The following GTF2A1L variants were observed in gnomAD, a reference collection of about 807,000 sequenced individuals.
The protein encoded by GTF2A1L is TFIIA-alpha and beta-like factor.
Under a neutral mutation model 49.7 loss-of-function variants are expected in GTF2A1L, and 48 were observed. That is an observed-to-expected ratio of 0.97 (90% CI 0.77 to 1.23). GTF2A1L has a LOEUF of 1.23. Ranked by LOEUF, GTF2A1L falls within the 50% of genes most tolerant of loss-of-function variation. GTF2A1L has a pLI of 0.00. For missense variants in GTF2A1L, 736 were observed against 564.8 expected, an observed-to-expected ratio of 1.30 and a Z score of -3.07; for synonymous variants, 246 against 193.5, an observed-to-expected ratio of 1.27 and a Z score of -2.25.
chr2:48,632,157 A>G lies in GTF2A1L; in HGVS notation c.248-10245A>G, dbSNP rs148859380. On this transcript the variant is annotated intron_variant, in intron 3 of 8. Transcript: ENST00000403751. ...TGAGCGTGGTCTCTTCCTTTACTCA[A>G]CTGAGAATTAAAACTTGATTCTTTT... is the stretch of plus-strand genomic sequence containing the variant. The G allele has an allele frequency of 3.9e-5, 6 of 152,264 alleles. No individual in the cohort carries two copies. In the East Asian group the frequency reaches 5.8e-4, roughly 15 times the overall value. 9.4% of individuals were successfully genotyped at this position (152,264 alleles called of 1,614,324 possible). A position where few individuals can be genotyped will look rare whatever the true frequency, so the allele number is the denominator to read the frequency against.
intron 6 of GTF2A1L, among the ~76,000 whole-genome samples, chr2:48,667,944 C>T (rs1162083088): frequency 6.6e-6 from 1 of 152,084 alleles, no homozygotes; most frequent in East Asian, 1.9e-4. Flanking sequence ...CTGTTCAAAC[C>T]TTAGTAAAAC....
At chr2:48,659,929 A>G (rs1040289768) in intron 6 of GTF2A1L, among the ~76,000 whole-genome samples, 2 of 152,184 alleles carry the variant, frequency 1.3e-5, no homozygotes, top group Admixed American at 1.3e-4. Flanking sequence ...ATCTGTAAAC[A>G]GAGATAATTT....
intron 6 of GTF2A1L, among the ~76,000 whole-genome samples, chr2:48,659,506 A>G (rs1678371869): frequency 6.6e-6 from 1 of 152,064 alleles, no homozygotes; most frequent in Non-Finnish European, 1.5e-5. Flanking sequence ...TTTTTCTGCA[A>G]ACACTCTTGT....
chr2:48,622,771 TTG>T (rs540029430), intron 3 of GTF2A1L, among the ~76,000 whole-genome samples: 223 of 151,646 alleles, frequency 1.5e-3, no homozygotes, highest in Non-Finnish European at 2.7e-3. Context: ...GAGGCAGAGG[TTG>T]TAGTGAGCTG....
intron 7 of GTF2A1L, 132 bp downstream of exon 7, chr2:48,670,114 C>G (rs573296533): frequency 1.1e-5 from 14 of 1,324,148 alleles, no homozygotes; most frequent in Non-Finnish European, 1.4e-5. Context: ...TATTTGGGGC[C>G]GGGCACGGTG....
intron 6 of GTF2A1L, chr2:48,668,674 A>G (rs923816424): frequency 6.6e-6 from 1 of 152,084 alleles, no homozygotes; most frequent in Non-Finnish European, 1.5e-5. Flanking sequence ...TACTAAAAAT[A>G]CAAAAATAAA....
intron 4 of GTF2A1L, among the ~76,000 whole-genome samples, chr2:48,644,022 T>C (rs1414950120): frequency 6.6e-6 from 1 of 151,924 alleles, no homozygotes; most frequent in South Asian, 2.1e-4. Flanking sequence ...TTTAAAAAAA[T>C]TAGCCAAGCA....
intron 6 of GTF2A1L, among the ~76,000 whole-genome samples, chr2:48,653,107 G>C (rs1481539599): frequency 2.0e-5 from 3 of 151,148 alleles, no homozygotes; most frequent in African/African-American, 7.3e-5. Context: ...TGTAGTCCCA[G>C]CTACTCGGGA....
At chr2:48,649,908 C>T (rs754193673) in intron 6 of GTF2A1L, among the ~76,000 whole-genome samples, 2 of 152,200 alleles carry the variant, frequency 1.3e-5, no homozygotes, top group Non-Finnish European at 2.9e-5. Flanking sequence ...TGGTTTTCAA[C>T]CTTGTTATTT....
chr2:48,641,205 G>T (rs1370038033), intron 3 of GTF2A1L, among the ~76,000 whole-genome samples: 1 of 152,122 alleles, frequency 6.6e-6, no homozygotes, highest in Non-Finnish European at 1.5e-5. Flanking sequence ...TTCAGCTAAT[G>T]AAGACTAATA....
chr2:48,662,515 G>A (rs1678569612), intron 6 of GTF2A1L, among the ~76,000 whole-genome samples: 1 of 152,036 alleles, frequency 6.6e-6, no homozygotes, highest in Non-Finnish European at 1.5e-5. Flanking sequence ...AGGATGGTAA[G>A]GCAGAGTTTA....
At chr2:48,623,872 G>C (rs75369096) in intron 3 of GTF2A1L, among the ~76,000 whole-genome samples, 2 of 152,184 alleles carry the variant, frequency 1.3e-5, no homozygotes, top group East Asian at 3.8e-4. Context: ...GGTACATACA[G>C]ACAGAAAGGT....
In GTF2A1L at chr2:48,617,904, G is replaced by C. The variant is rs369610793; in HGVS notation, c.21+9G>C. On this transcript the variant is annotated intron_variant, in intron 1 of 8. Coordinates refer to ENST00000403751, the MANE Select transcript of GTF2A1L (RefSeq NM_006872.5). ...CCTGCCTCAACCCGGTGGTAAGGAA[G>C]ACCTCAGGCTCTGTGTAGAGGGAGC... The C allele has an allele frequency of 5.8e-6, 9 of 1,551,690 alleles. No homozygotes were observed. The African/African-American group carries it at 1.2e-4, about 21-fold the overall frequency.
Position 48,652,902 on chromosome 2 carries a change from G to A in GTF2A1L, c.978+5860G>A, listed in dbSNP as rs187378992. Reference sequence around the variant, plus strand: ...TAGACACGGGGGTTTCACCGTGTTGGCCAGGCTGGACTCGAACTAATTGAC... The same window carrying A: ...TAGACACGGGGGTTTCACCGTGTTGACCAGGCTGGACTCGAACTAATTGAC... On this transcript the variant is annotated intron_variant, in intron 6 of 8. Transcript: ENST00000403751. Among the ~76,000 whole-genome samples, 305 of 151,494 alleles carry A rather than the reference G, an allele frequency of 2.0e-3. 1 individual carries two copies. Among genetic ancestry groups the A allele is most frequent in the Admixed American group, 3.8e-3 (58 of 15,272 alleles).
At chr2:48,665,880 A>G (rs747485213) in intron 6 of GTF2A1L, among the ~76,000 whole-genome samples, 17 of 151,968 alleles carry the variant, frequency 1.1e-4, no homozygotes, top group Non-Finnish European at 2.1e-4. Context: ...CACTTTTTCT[A>G]TTGACTACTG....
At chr2:48,671,484 A>G in intron 7 of GTF2A1L, 107 bp from the exon 8 acceptor site, 3 of 1,157,920 alleles carry the variant, frequency 2.6e-6, no homozygotes, top group Non-Finnish European at 2.4e-6. Flanking sequence ...GATTATAGGA[A>G]TGAGCCACCA....
chr2:48,623,471 T>G (rs1676128053), intron 3 of GTF2A1L, among the ~76,000 whole-genome samples: 1 of 152,206 alleles, frequency 6.6e-6, no homozygotes, highest in Admixed American at 6.5e-5. Flanking sequence ...TATGCACTGT[T>G]GGTGGGAATG....
chr2:48,650,471 A>G (rs1321856309), intron 6 of GTF2A1L, among the ~76,000 whole-genome samples: 1 of 152,212 alleles, frequency 6.6e-6, no homozygotes, highest in Non-Finnish European at 1.5e-5. Context: ...ATGGAGTGAG[A>G]GGATAAGAGA....
intron 7 of GTF2A1L, among the ~76,000 whole-genome samples, chr2:48,670,794 T>C (rs1679125200): frequency 6.6e-6 from 1 of 151,022 alleles, no homozygotes; most frequent in Non-Finnish European, 1.5e-5. Context: ...AAGGTCAGTC[T>C]TGTAATTATT....
Sources: gnomAD v4.1 joint callset for allele counts (sites outside exome capture counted in the v4.1 genomes callset) on GRCh38, gnomAD v4.1.1 for gene constraint, MANE v1.5 for transcripts, NCBI Gene and HGNC (gene_info 2026-07-23, HGNC 2026-07-21) for gene names.